Variants in ACOT12 observed in about 807,000 individuals in gnomAD.
ACOT12 encodes acetyl-coenzyme A thioesterase.
Under a neutral mutation model 67.7 loss-of-function variants are expected in ACOT12, and 51 were observed. The observed-to-expected ratio is 0.75, with a 90% CI of 0.60 to 0.95. The LOEUF (loss-of-function observed/expected upper bound fraction) is 0.95. Among genes scored for constraint, ACOT12 ranks in the 40% least tolerant of loss-of-function variants. The pLI, the probability that ACOT12 is intolerant of heterozygous loss-of-function variation, is 0.00. For missense variants in ACOT12, 734 were observed against 708.1 expected, an observed-to-expected ratio of 1.04 and a Z score of -0.41; for synonymous variants, 251 against 244.6, an observed-to-expected ratio of 1.03 and a Z score of -0.24.
chr5:81,310,132 A>G, the ACOT12 span, among the ~76,000 whole-genome samples: 3 of 146,958 alleles, frequency 2.0e-5, no homozygotes, highest in South Asian at 4.3e-4. Context: ...AATGGCTTTC[A>G]CTGGTCAACC....
In ACOT12 at chr5:81,390,104, G is replaced by A. The variant is rs191081648; in HGVS notation, c.127+3884C>T. Among the ~76,000 whole-genome samples, 178 of 150,522 alleles carry A rather than the reference G, an allele frequency of 1.2e-3. 7 individuals are homozygous for A. In the East Asian group the frequency reaches 0.031, roughly 26 times the overall value. On this transcript the variant is annotated intron_variant, in intron 1 of 14. Transcript: ENST00000307624. ...TGAGTAGCTGGGACTACAGGTACATGCTACCATGCCTGGCTAATTTTAACA... is the reference window on the plus strand; with the variant it reads ...TGAGTAGCTGGGACTACAGGTACATACTACCATGCCTGGCTAATTTTAACA...
chr5:81,384,525 G>A (rs1287304435), intron 2 of ACOT12, among the ~76,000 whole-genome samples: 2 of 152,056 alleles, frequency 1.3e-5, no homozygotes. Flanking sequence ...TAGTCACCAT[G>A]TTATTATAAT....
At chr5:81,382,764 C>T (rs760890846) in intron 2 of ACOT12, among the ~76,000 whole-genome samples, 7 of 150,968 alleles carry the variant, frequency 4.6e-5, no homozygotes, top group Non-Finnish European at 8.9e-5. Context: ...ATTGCGCCAT[C>T]GCACTCCAGC....
chr5:81,358,040 GAA>G (rs1302640583), intron 5 of ACOT12, among the ~76,000 whole-genome samples: 1 of 138,044 alleles, frequency 7.2e-6, no homozygotes, highest in African/African-American at 2.7e-5. Flanking sequence ...AGAAGAAGAA[GAA>G]AAACAACTGT....
At chr5:81,362,601 G>A (rs894861069) in intron 4 of ACOT12, among the ~76,000 whole-genome samples, 5 of 152,092 alleles carry the variant, frequency 3.3e-5, no homozygotes, top group African/African-American at 7.2e-5. Context: ...TGTCACTTGC[G>A]CTCAGATACG....
intron 2 of ACOT12, among the ~76,000 whole-genome samples, chr5:81,380,392 T>C (rs1469426922): frequency 1.3e-5 from 2 of 151,822 alleles, no homozygotes; most frequent in Non-Finnish European, 2.9e-5. Context: ...GGCAAAGCCC[T>C]GTCTCTACTA....
intron 2 of ACOT12, among the ~76,000 whole-genome samples, chr5:81,380,524 A>G (rs1485703029): frequency 4.8e-5 from 6 of 126,230 alleles, no homozygotes; most frequent in Non-Finnish European, 7.7e-5. Flanking sequence ...AGATCGTGCC[A>G]TTGCACTTCA....
chr5:81,314,068 A>C, the ACOT12 span, among the ~76,000 whole-genome samples: 6 of 152,000 alleles, frequency 3.9e-5, no homozygotes, highest in Non-Finnish European at 7.4e-5. Context: ...GAATGTTGGT[A>C]TCCACTTTGT....
At chr5:81,356,138 A>G (rs1432521822) in intron 5 of ACOT12, among the ~76,000 whole-genome samples, 3 of 152,130 alleles carry the variant, frequency 2.0e-5, no homozygotes, top group Non-Finnish European at 4.4e-5. Context: ...CATAAAGGTT[A>G]TGGTAAACTG....
intron 1 of ACOT12, among the ~76,000 whole-genome samples, chr5:81,387,823 G>A (rs753953352): frequency 5.9e-5 from 9 of 152,164 alleles, no homozygotes; most frequent in Non-Finnish European, 8.8e-5. Context: ...GGAATTACAG[G>A]TGTGAGCCAC....
At chr5:81,375,321 T>C (rs1020303272) in intron 2 of ACOT12, among the ~76,000 whole-genome samples, 1 of 152,090 alleles carries the variant, frequency 6.6e-6, no homozygotes, top group Non-Finnish European at 1.5e-5. Context: ...AGGGCTGCCT[T>C]ACGAGAGCTC....
At chr5:81,321,839 C>T in the ACOT12 span, among the ~76,000 whole-genome samples, 1 of 151,930 alleles carries the variant, frequency 6.6e-6, no homozygotes, top group East Asian at 1.9e-4. Context: ...CCCAGCTACC[C>T]GGGAGGCTGA....
At chr5:81,363,007 C>A (rs2153854946) in intron 4 of ACOT12, among the ~76,000 whole-genome samples, 1 of 152,230 alleles carries the variant, frequency 6.6e-6, no homozygotes, top group Non-Finnish European at 1.5e-5. Flanking sequence ...AGCTTGAGAC[C>A]AACCTGACCA....
At chr5:81,384,385 C>A (rs917768668) in intron 2 of ACOT12, among the ~76,000 whole-genome samples, 3 of 151,812 alleles carry the variant, frequency 2.0e-5, no homozygotes, top group African/African-American at 4.8e-5. Flanking sequence ...TGATCCACCC[C>A]CCTAGGCCTC....
chr5:81,326,980 T>G (rs1344117728), downstream of ACOT12, among the ~76,000 whole-genome samples: 1 of 152,136 alleles, frequency 6.6e-6, no homozygotes, highest in East Asian at 1.9e-4. Flanking sequence ...ATCACAAGAC[T>G]TATTCCTTTA....
intron 11 of ACOT12, among the ~76,000 whole-genome samples, chr5:81,340,611 C>A (rs1333867567): frequency 2.0e-5 from 3 of 152,226 alleles, no homozygotes; most frequent in Admixed American, 2.0e-4. Context: ...CCACCTGCCT[C>A]GGCCTCCCAA....
the ACOT12 span, among the ~76,000 whole-genome samples, chr5:81,322,484 C>T: frequency 6.7e-6 from 1 of 149,738 alleles, no homozygotes; most frequent in Non-Finnish European, 1.5e-5. Flanking sequence ...AAAAACCCCA[C>T]ATACATGTTA....
chr5:81,334,988 C>G (rs1758951299), intron 12 of ACOT12, among the ~76,000 whole-genome samples: 1 of 152,192 alleles, frequency 6.6e-6, no homozygotes, highest in African/African-American at 2.4e-5. Context: ...GCTCACACAG[C>G]TTGCTCTCTT....
the ACOT12 span, among the ~76,000 whole-genome samples, chr5:81,323,635 T>A: frequency 2.6e-5 from 4 of 152,202 alleles, no homozygotes; most frequent in South Asian, 8.3e-4. Flanking sequence ...TTCTGAATAA[T>A]CATCTAATGT....
Sources: allele counts gnomAD v4.1 joint callset (sites outside exome capture counted in the v4.1 genomes callset), GRCh38; gene constraint gnomAD v4.1.1; transcripts MANE v1.5; gene names NCBI Gene and HGNC (gene_info 2026-07-23, HGNC 2026-07-21).